Variants in ADAM22 observed in about 807,000 individuals in gnomAD.
ADAM22 encodes ADAM metallopeptidase domain 22, also known as disintegrin and metalloproteinase domain-containing protein 22.
In ADAM22, 65 loss-of-function variants were observed where a neutral mutation model predicts 144.6. The ratio of observed to expected loss-of-function variants is 0.45; its 90% CI spans 0.37 to 0.55. ADAM22 has a LOEUF of 0.55. Ranked by LOEUF, ADAM22 falls within the 20% of genes least tolerant of loss-of-function variation. The pLI is 0.00. For missense variants in ADAM22, 974 were observed against 1,184.9 expected (o/e 0.82, Z 2.61); for synonymous variants, 391 against 412.6 (o/e 0.95, Z 0.63).
At chr7:88,051,095 C>CT (rs1372588983) in intron 3 of ADAM22, among the ~76,000 whole-genome samples, 6 of 152,106 alleles carry the variant, frequency 3.9e-5, no homozygotes, top group Middle Eastern at 3.2e-3. Flanking sequence ...CACTTTTACA[C>CT]GTTGGTGGGA....
chr7:87,994,765 T>TCA (rs1790717497), intron 3 of ADAM22, among the ~76,000 whole-genome samples: 1 of 152,190 alleles, frequency 6.6e-6, no homozygotes, highest in African/African-American at 2.4e-5. Flanking sequence ...GCCTAGTTAA[T>TCA]CACACAAGTA....
rs543360158 is a variant in ADAM22, at chr7:88,075,002, G to A, written c.324-624G>A. Among the ~76,000 whole-genome samples, 20 of 151,942 alleles carry A rather than the reference G, an allele frequency of 1.3e-4. No homozygotes were observed. In the South Asian group the frequency reaches 2.5e-3, roughly 19 times the overall value. ...CTTTAAAAGATTAAAAATATTTTACGGAAGTTGTGTCTTGAGACCCCTCCA... is the reference window on the plus strand; with the variant it reads ...CTTTAAAAGATTAAAAATATTTTACAGAAGTTGTGTCTTGAGACCCCTCCA... On this transcript the variant is annotated intron_variant, in intron 3 of 31. Transcript: ENST00000413139.
At chr7:88,176,834 G>A (rs1297162429) in intron 26 of ADAM22, among the ~76,000 whole-genome samples, 4 of 151,976 alleles carry the variant, frequency 2.6e-5, no homozygotes, top group South Asian at 2.1e-4. Context: ...GTGCGATCTC[G>A]GCTCACTGCA....
intron 2 of ADAM22, among the ~76,000 whole-genome samples, chr7:87,938,492 T>TGGGC (rs1841810573): frequency 6.6e-6 from 1 of 152,040 alleles, no homozygotes; most frequent in East Asian, 1.9e-4. Context: ...GTGCTGGGAT[T>TGGGC]ACAAACATGA....
intron 3 of ADAM22, among the ~76,000 whole-genome samples, chr7:88,057,123 G>A (rs979703759): frequency 1.6e-5 from 2 of 124,120 alleles, no homozygotes; most frequent in African/African-American, 3.0e-5. Context: ...GCACATTATT[G>A]AATCTTTTTT....
At chr7:87,982,060 T>C (rs562450287) in intron 3 of ADAM22, among the ~76,000 whole-genome samples, 96 of 120,436 alleles carry the variant, frequency 8.0e-4, no homozygotes, top group Admixed American at 2.1e-3. Context: ...TATATATATA[T>C]ATATATATAC....
intron 15 of ADAM22, among the ~76,000 whole-genome samples, chr7:88,144,344 A>G (rs1451999276): frequency 2.0e-5 from 3 of 152,208 alleles, no homozygotes; most frequent in African/African-American, 4.8e-5. Context: ...ACCATAGGAT[A>G]CATTATATTC....
At chr7:88,092,549 C>A (rs1244439584) in intron 4 of ADAM22, among the ~76,000 whole-genome samples, 1 of 152,208 alleles carries the variant, frequency 6.6e-6, no homozygotes, top group African/African-American at 2.4e-5. Context: ...TCCCCCCTGG[C>A]AGGCTTATGC....
rs1850749549 is a variant in ADAM22 at position 88,196,971 on chromosome 7, T to C, written c.*480T>C. 1 of 157,968 alleles carries C rather than the reference T, an allele frequency of 6.3e-6. No homozygotes were observed. 9.8% of individuals were successfully genotyped at this position (157,968 alleles called of 1,614,324 possible). A position where few individuals can be genotyped will look rare whatever the true frequency, so the allele number is the denominator to read the frequency against. On this transcript the variant is annotated 3_prime_UTR_variant, in exon 32 of 32. Transcript: ENST00000413139. ...CATAATAGAAATGAGCATGCAGGGC[T>C]AAGGCATATAGGATTTTTCTGCAGG...
At chr7:87,947,366 T>C (rs914834154) in intron 2 of ADAM22, among the ~76,000 whole-genome samples, 1 of 152,160 alleles carries the variant, frequency 6.6e-6, no homozygotes, top group African/African-American at 2.4e-5. Context: ...CTTGGACAGA[T>C]ATTGAGTGAT....
At chr7:88,187,863 C>T (rs1425571231) in intron 30 of ADAM22, among the ~76,000 whole-genome samples, 1 of 152,050 alleles carries the variant, frequency 6.6e-6, no homozygotes, top group African/African-American at 2.4e-5. Context: ...TTTGCATATA[C>T]CCCAAGGAAA....
At chr7:87,935,004 C>T (rs763043503) in intron 1 of ADAM22, 22 bp from the exon 2 acceptor site, 2 of 1,613,986 alleles carry the variant, frequency 1.2e-6, no homozygotes, top group African/African-American at 2.7e-5. Context: ...CCACTCCCTC[C>T]TTTCCCGGTT....
chr7:88,185,525 T>A (rs1039939899), intron 29 of ADAM22, among the ~76,000 whole-genome samples: 14 of 152,164 alleles, frequency 9.2e-5, no homozygotes, highest in African/African-American at 3.1e-4. Flanking sequence ...AGAGCTTGAA[T>A]CTTTATTGTC....
rs1177979857 is a variant in ADAM22 at position 88,200,941 on chromosome 7, C to T, written c.*4450C>T. Reference sequence around the variant, plus strand: ...GAAAATTGGCTGAGCGGCAGCAGCCCATCCCAGCTGTGTGTGAGTAGCCCC... The same window carrying T: ...GAAAATTGGCTGAGCGGCAGCAGCCTATCCCAGCTGTGTGTGAGTAGCCCC... On this transcript the variant is annotated 3_prime_UTR_variant, in exon 32 of 32. Coordinates refer to ENST00000413139, the MANE Select transcript of ADAM22 (RefSeq NM_001324418.2). The T allele has an allele frequency of 6.6e-6, 1 of 152,244 alleles. No individual in the cohort carries two copies. Among genetic ancestry groups the T allele is most frequent in the Non-Finnish European group, 1.5e-5 (1 of 68,066 alleles). 9.4% of individuals were successfully genotyped at this position (152,244 alleles called of 1,614,324 possible).
At chr7:88,007,950 G>T (rs943391729) in intron 3 of ADAM22, among the ~76,000 whole-genome samples, 2 of 152,156 alleles carry the variant, frequency 1.3e-5, no homozygotes, top group African/African-American at 2.4e-5. Context: ...ACTATCATCA[G>T]AGTGAACAGG....
At chr7:88,082,756 A>G (rs1463144554) in intron 4 of ADAM22, among the ~76,000 whole-genome samples, 3 of 152,320 alleles carry the variant, frequency 2.0e-5, no homozygotes, top group East Asian at 3.9e-4. Flanking sequence ...ATCACTGGCC[A>G]TCAGAGAAAT....
At chr7:87,966,689 C>A (rs936088558) in intron 2 of ADAM22, among the ~76,000 whole-genome samples, 2 of 135,670 alleles carry the variant, frequency 1.5e-5, no homozygotes, top group African/African-American at 5.6e-5. Context: ...CGGGGAATGC[C>A]TCTCAAGAGT....
chr7:87,936,353 C>T (rs553151624), intron 2 of ADAM22, among the ~76,000 whole-genome samples: 26 of 152,208 alleles, frequency 1.7e-4, no homozygotes, highest in African/African-American at 6.0e-4. Context: ...TTGGTAAATG[C>T]CTATTTTCCT....
chr7:88,130,037 G>T (rs561319767), intron 9 of ADAM22, among the ~76,000 whole-genome samples: 1 of 152,086 alleles, frequency 6.6e-6, no homozygotes, highest in South Asian at 2.1e-4. Context: ...ACTTAGATTT[G>T]TATGTCTTGC....
Sources: allele counts gnomAD v4.1 joint callset (sites outside exome capture counted in the v4.1 genomes callset), GRCh38; gene constraint gnomAD v4.1.1; transcripts MANE v1.5; gene names NCBI Gene and HGNC (gene_info 2026-07-23, HGNC 2026-07-21).